POU4F2: variants seen among roughly 807,000 people sequenced by gnomAD.
POU4F2 encodes the protein POU class 4 homeobox 2.
POU4F2 carries 10 observed loss-of-function variants against 21.5 expected under a neutral mutation model. The observed-to-expected ratio is 0.46, with a 90% confidence interval of 0.29 to 0.79. The LOEUF is 0.79. Among genes scored for constraint, POU4F2 ranks in the 30% least tolerant of loss-of-function variants. The pLI is 0.10. For missense variants in POU4F2, 623 were observed against 603.3 expected (o/e 1.03, Z -0.34); for synonymous variants, 324 against 271.1 (o/e 1.20, Z -1.92).
At position 146,639,139 on chromosome 4, in the gene POU4F2, A is replaced by AGAT; in HGVS notation, c.10_12dup. Reference sequence around the variant, plus strand: ...CGGACCAGCGCCCCGGCGGGCGGGAAGATGATGATGATGTCCCTGAACAGC... The same window carrying AGAT: ...CGGACCAGCGCCCCGGCGGGCGGGAAGATGATGATGATGATGTCCCTGAACAGC... On this transcript the variant is annotated 5_prime_UTR_variant, in exon 1 of 2. In the 5' UTR this introduces an upstream ATG that the reference lacks. Coordinates refer to ENST00000281321, the MANE Select transcript of POU4F2 (RefSeq NM_004575.3). 1 of 1,602,820 alleles carries AGAT rather than the reference A, an allele frequency of 6.2e-7. No individual in the cohort carries two copies. Among genetic ancestry groups the AGAT allele is most frequent in the Non-Finnish European group, 8.5e-7 (1 of 1,175,510 alleles).
chr4:146,642,001 T>G lies in POU4F2; in HGVS notation c.*1193T>G, dbSNP rs1409899798. The G allele has an allele frequency of 6.6e-6, 1 of 152,658 alleles. No homozygotes were observed. Among genetic ancestry groups the G allele is most frequent in the Non-Finnish European group, 1.5e-5 (1 of 68,046 alleles). The allele number at this position is 152,658 out of a possible 1,614,324, so 9.5% of individuals were successfully genotyped here. ...TTTAGATTTCACCAAGGTATTTCAG[T>G]CTTCCAGTTTTCAATTGCTTTGTTG... On this transcript the variant is annotated 3_prime_UTR_variant, in exon 2 of 2. Coordinates refer to ENST00000281321, the MANE Select transcript of POU4F2 (RefSeq NM_004575.3).
chr4:146,639,455 T>TA, intron 1 of POU4F2, 27 bp downstream of exon 1: 1 of 1,451,622 alleles, frequency 6.9e-7, no homozygotes, highest in Non-Finnish European at 9.0e-7. Flanking sequence ...AATCACCGCT[T>TA]AAAGGCACAT....
Position 146,639,348 on chromosome 4 carries a change from A to AGTGCT in POU4F2, c.209_210insTGCTG (p.Ser71AlafsTer77). On this transcript the variant is annotated frameshift_variant, in exon 1 of 2. Coordinates refer to ENST00000281321, the MANE Select transcript of POU4F2 (RefSeq NM_004575.3). LOFTEE classifies it high-confidence loss of function. Reference sequence around the variant, plus strand: ...CGGCGGCGGCGGCGGCGGAGGCCGAAGCAGCAGCTCCAGCAGCAGTGGCAG... The same window carrying AGTGCT: ...CGGCGGCGGCGGCGGCGGAGGCCGAAGTGCTGCAGCAGCTCCAGCAGCAGTGGCAG... 1 of 1,483,474 alleles carries AGTGCT rather than the reference A, an allele frequency of 6.7e-7. No individual in the cohort carries two copies. The highest frequency in any genetic ancestry group is 8.9e-7 in the Non-Finnish European group (1 of 1,119,814). 91.9% of individuals were successfully genotyped at this position (1,483,474 alleles called of 1,614,324 possible). A position where few individuals can be genotyped will look rare whatever the true frequency, so the allele number is the denominator to read the frequency against.
In POU4F2 at chr4:146,640,292, G is replaced by C; in HGVS notation, c.714G>C (p.Ala238=). 1.3e-6 allele frequency: 2 copies of C among 1,562,726 alleles called. No individual in the cohort carries two copies. Among genetic ancestry groups the C allele is most frequent in the Non-Finnish European group, 1.7e-6 (2 of 1,157,906 alleles). Residue 238 remains alanine (A), a synonymous_variant, in exon 2 of 2, where the codon GCG becomes GCC. Transcript: ENST00000281321. The surrounding 1 kb of genome is among the most constrained non-coding windows in gnomAD (Gnocchi z 4.8). ...MHQAALSMAH[A]HGLPSHMGCM... ...AAGCAGCGCTCAGCATGGCCCACGCGCACGGGCTGCCGTCGCACATGGGCT... is the reference window on the plus strand; with the variant it reads ...AAGCAGCGCTCAGCATGGCCCACGCCCACGGGCTGCCGTCGCACATGGGCT...
chr4:146,641,400 A>T lies in POU4F2; in HGVS notation c.*592A>T, dbSNP rs550880231. 5.2e-5 allele frequency: 8 copies of T among 152,738 alleles called. 1 individual carries two copies. The South Asian group carries it at 1.7e-3, about 32-fold the overall frequency. The allele number at this position is 152,738 out of a possible 1,614,324, so 9.5% of individuals were successfully genotyped here. ...CCCCCTTTTCCTTCTCTGAAGTGTT[A>T]ATGCTTAAGAAAAGAGTTGCGCCTG... is the stretch of plus-strand genomic sequence containing the variant. On this transcript the variant is annotated 3_prime_UTR_variant, in exon 2 of 2. Transcript: ENST00000281321.
rs1740890767 is a variant in POU4F2, at chr4:146,641,741, G to A, written c.*933G>A. On this transcript the variant is annotated 3_prime_UTR_variant, in exon 2 of 2. Coordinates refer to ENST00000281321, the MANE Select transcript of POU4F2 (RefSeq NM_004575.3). ...GATTTGTGAGTCGACACTCAGTAAT[G>A]GATGTCTTAATCGTGTAGACCTGAT... 1 of 152,466 alleles carries A rather than the reference G, an allele frequency of 6.6e-6. No homozygotes were observed. Among genetic ancestry groups the A allele is most frequent in the African/African-American group, 2.4e-5 (1 of 41,378 alleles). 9.4% of individuals were successfully genotyped at this position (152,466 alleles called of 1,614,324 possible).
At position 146,640,015 on chromosome 4, in the gene POU4F2, A is replaced by G; in HGVS notation, c.437A>G (p.Asn146Ser). ...CCGGACGCCACCTACCACACTATGA[A>G]TACCATCCCGTGCACGTCGGCCGCC... The part of the protein sequence containing the change: ...FKPDATYHTM[N>S]TIPCTSAASS... Residue 146 changes from asparagine to serine, a missense_variant, in exon 2 of 2, where the codon AAT (asparagine) becomes AGT (serine). By Grantham distance (46) the Asn-to-Ser change is conservative (BLOSUM62 1). Around this residue, in one of 3 missense-constraint regions of POU4F2, gnomAD observed 523 missense variants for 504.1 expected, o/e 1.04. Transcript: ENST00000281321. This position sits in a 1 kb window ranked among gnomAD's most constrained non-coding sequence, Gnocchi z 4.8. The G allele has an allele frequency of 6.2e-7, 1 of 1,612,012 alleles. No homozygotes were observed. The highest frequency in any genetic ancestry group is 2.2e-5 in the East Asian group (1 of 44,832).
Position 146,640,330 on chromosome 4 carries a change from T to G in POU4F2, c.752T>G (p.Val251Gly). The change falls in exon 2 of 2, where the codon GTG (valine) becomes GGG (glycine). Residue 251 changes from valine to glycine, a missense_variant. Transcript: ENST00000281321. The surrounding 1 kb of genome is among the most constrained non-coding windows in gnomAD (Gnocchi z 4.8). Reference protein sequence around the residue: ...LPSHMGCMSDVDADPRDLEAF... With the variant: ...LPSHMGCMSDGDADPRDLEAF... ...TCGCACATGGGCTGCATGAGCGACG[T>G]GGACGCCGACCCGCGGGACCTGGAG... 6.3e-7 allele frequency: 1 copy of G among 1,579,090 alleles called. No individual in the cohort carries two copies. The highest frequency in any genetic ancestry group is 1.2e-5 in the South Asian group (1 of 85,354).
chr4:146,641,208 G>A lies in POU4F2; in HGVS notation c.*400G>A. On this transcript the variant is annotated 3_prime_UTR_variant, in exon 2 of 2. Coordinates refer to ENST00000281321, the MANE Select transcript of POU4F2 (RefSeq NM_004575.3). ...GTGTTCAAGTTTAAAAGTACACTTTGCAACTATTTTTCAGAAATAGAAATT... is the reference window on the plus strand; with the variant it reads ...GTGTTCAAGTTTAAAAGTACACTTTACAACTATTTTTCAGAAATAGAAATT... 6.1e-6 allele frequency: 1 copy of A among 162,646 alleles called. No homozygotes were observed. Among genetic ancestry groups the A allele is most frequent in the Non-Finnish European group, 1.3e-5 (1 of 75,330 alleles). 10.1% of individuals were successfully genotyped at this position (162,646 alleles called of 1,614,324 possible).
At position 146,640,453 on chromosome 4, in the gene POU4F2, G is replaced by A; in HGVS notation, c.875G>A (p.Gly292Asp). Residue 292 changes from glycine to aspartate, a missense_variant, in exon 2 of 2, where the codon GGC (glycine) becomes GAC (aspartate). By Grantham distance (94) the Gly-to-Asp change is moderately conservative (BLOSUM62 -1). Coordinates refer to ENST00000281321, the MANE Select transcript of POU4F2 (RefSeq NM_004575.3). This position sits in a 1 kb window ranked among gnomAD's most constrained non-coding sequence, Gnocchi z 4.8. Reference protein sequence around the residue: ...ALANLKIPGVGSLSQSTICRF... With the variant: ...ALANLKIPGVDSLSQSTICRF... Reference sequence around the variant, plus strand: ...GCCAACCTCAAGATCCCCGGCGTGGGCTCGCTTAGCCAGAGCACCATCTGC... The same window carrying A: ...GCCAACCTCAAGATCCCCGGCGTGGACTCGCTTAGCCAGAGCACCATCTGC... 6.2e-7 allele frequency: 1 copy of A among 1,613,674 alleles called. No individual in the cohort carries two copies. The highest frequency in any genetic ancestry group is 2.2e-5 in the East Asian group (1 of 44,880).
chr4:146,640,483 T>C lies in POU4F2; in HGVS notation c.905T>C (p.Phe302Ser). The change falls in exon 2 of 2, where the codon TTC becomes TCC. Residue 302 changes from phenylalanine to serine, a missense_variant. This residue lies in a region of POU4F2 where 523 missense variants were observed against 504.1 expected (regional missense o/e 1.04). Coordinates refer to ENST00000281321, the MANE Select transcript of POU4F2 (RefSeq NM_004575.3). The surrounding 1 kb of genome is among the most constrained non-coding windows in gnomAD (Gnocchi z 4.8). ...GSLSQSTICRFESLTLSHNNM... is the reference protein window; with the variant it reads ...GSLSQSTICRSESLTLSHNNM... The stretch of plus-strand genomic sequence containing the variant: ...CTTAGCCAGAGCACCATCTGCAGGT[T>C]CGAGTCCCTCACACTGTCCCACAAT... 6.2e-7 allele frequency: 1 copy of C among 1,614,140 alleles called. No individual in the cohort carries two copies. The highest frequency in any genetic ancestry group is 8.5e-7 in the Non-Finnish European group (1 of 1,180,020).
intron 1 of POU4F2, 66 bp downstream of exon 1, chr4:146,639,494 T>C: frequency 6.9e-7 from 1 of 1,443,994 alleles, no homozygotes; most frequent in Non-Finnish European, 9.1e-7. Context: ...CTGCTTGATG[T>C]TTTTTTCATG....
At position 146,638,955 on chromosome 4, in the gene POU4F2, A is replaced by T. The variant is rs1561026409; in HGVS notation, c.-186A>T. ...GAGTCAGGCATCCGTTCAGACTGACAGCAGAGGCGGCGAAGGAGCGCGTAG... is the reference window on the plus strand; with the variant it reads ...GAGTCAGGCATCCGTTCAGACTGACTGCAGAGGCGGCGAAGGAGCGCGTAG... On this transcript the variant is annotated 5_prime_UTR_variant, in exon 1 of 2. Transcript: ENST00000281321. 1.4e-5 allele frequency: 10 copies of T among 701,414 alleles called. No individual in the cohort carries two copies. The highest frequency in any genetic ancestry group is 2.2e-5 in the Non-Finnish European group (10 of 448,330). 43.4% of individuals were successfully genotyped at this position (701,414 alleles called of 1,614,324 possible).
rs757239441 is a variant in POU4F2 at position 146,641,968 on chromosome 4, C to T, written c.*1160C>T. The T allele has an allele frequency of 2.6e-5, 4 of 152,706 alleles. No homozygotes were observed. Among genetic ancestry groups the T allele is most frequent in the Admixed American group, 6.5e-5 (1 of 15,308 alleles). 9.5% of individuals were successfully genotyped at this position (152,706 alleles called of 1,614,324 possible). On this transcript the variant is annotated 3_prime_UTR_variant, in exon 2 of 2. Transcript: ENST00000281321. ...GTGCATTTGCCACTTGGTGTTTGCC[C>T]TTCAGATTTTAGATTTCACCAAGGT...
At position 146,639,092 on chromosome 4, in the gene POU4F2, C is replaced by T. The variant is rs369625548; in HGVS notation, c.-49C>T. On this transcript the variant is annotated 5_prime_UTR_variant, in exon 1 of 2. Coordinates refer to ENST00000281321, the MANE Select transcript of POU4F2 (RefSeq NM_004575.3). ...GGCACTTCTCGGAGGGTCCCGGCAG[C>T]CGGGACCAGTGAGTGCCTCTACGGA... 1.9e-6 allele frequency: 3 copies of T among 1,580,984 alleles called. No individual in the cohort carries two copies. The highest frequency in any genetic ancestry group is 2.8e-5 in the African/African-American group (2 of 72,126).
intron 1 of POU4F2, 29 bp downstream of exon 1, chr4:146,639,457 A>C: frequency 1.4e-6 from 2 of 1,450,702 alleles, no homozygotes; most frequent in Non-Finnish European, 1.8e-6. Flanking sequence ...TCACCGCTTA[A>C]AGGCACATTT....
rs1324520935 is a variant in POU4F2, at chr4:146,641,295, T to C, written c.*487T>C. On this transcript the variant is annotated 3_prime_UTR_variant, in exon 2 of 2. Coordinates refer to ENST00000281321, the MANE Select transcript of POU4F2 (RefSeq NM_004575.3). ...TAATGTGATAGAGACATCTCTAAAG[T>C]ATTTTGAATTTTAAAAAAAGATGGC... is the stretch of plus-strand genomic sequence containing the variant. 1 of 152,976 alleles carries C rather than the reference T, an allele frequency of 6.5e-6. No homozygotes were observed. The highest frequency in any genetic ancestry group is 1.5e-5 in the Non-Finnish European group (1 of 68,310). The allele number at this position is 152,976 out of a possible 1,614,324, so 9.5% of individuals were successfully genotyped here. A position where few individuals can be genotyped will look rare whatever the true frequency, so the allele number is the denominator to read the frequency against.
Position 146,639,433 on chromosome 4 carries a change from G to C in POU4F2, c.288+5G>C. 1 of 1,458,776 alleles carries C rather than the reference G, an allele frequency of 6.9e-7. No individual in the cohort carries two copies. The allele number at this position is 1,458,776 out of a possible 1,614,324, so 90.4% of individuals were successfully genotyped here. A position where few individuals can be genotyped will look rare whatever the true frequency, so the allele number is the denominator to read the frequency against. On this transcript the variant is annotated splice_donor_5th_base_variant and intron_variant, in intron 1 of 1. Transcript: ENST00000281321. ...GCCTGTCTTCCAACCCCACCGGTGC[G>C]TATTTCTGCATAATCACCGCTTAAA...
At position 146,640,502 on chromosome 4, in the gene POU4F2, C is replaced by G. The variant is rs3827594; in HGVS notation, c.924C>G (p.Ser308=). Residue 308 remains serine (S), a synonymous_variant, in exon 2 of 2, where the codon TCC becomes TCG. Coordinates refer to ENST00000281321, the MANE Select transcript of POU4F2 (RefSeq NM_004575.3). The surrounding 1 kb of genome is among the most constrained non-coding windows in gnomAD (Gnocchi z 4.8). The part of the protein sequence containing the change: ...TICRFESLTL[S]HNNMIALKPI... ...GCAGGTTCGAGTCCCTCACACTGTC[C>G]CACAATAATATGATCGCGCTCAAAC... The G allele has an allele frequency of 0.083, 134,125 of 1,614,084 alleles. 6,097 individuals are homozygous for G. Among genetic ancestry groups the G allele is most frequent in the African/African-American group, 0.17 (12,990 of 75,030 alleles).
Sources: allele counts gnomAD v4.1 joint callset, GRCh38; gene constraint gnomAD v4.1.1; regional missense constraint gnomAD v4.1.1; non-coding constraint Gnocchi (gnomAD v3.1); transcripts MANE v1.5; gene names NCBI Gene and HGNC (gene_info 2026-07-23, HGNC 2026-07-21).